Variants in MECOM observed in about 807,000 individuals in gnomAD.
MECOM encodes the protein MDS1 and EVI1 complex locus, also known as histone-lysine N-methyltransferase MECOM.
A neutral mutation model predicts 116.3 loss-of-function variants in MECOM; 13 were observed. The ratio of observed to expected loss-of-function variants is 0.11; its 90% CI spans 0.07 to 0.18. MECOM has a LOEUF of 0.18. Among genes scored for constraint, MECOM ranks in the 10% least tolerant of loss-of-function variants. MECOM has a pLI of 1.00. For synonymous variants in MECOM, 528 were observed against 535.2 expected (o/e 0.99, Z 0.19); for missense variants, 1,299 against 1,509.0 (o/e 0.86, Z 2.31).
At chr3:169,647,473 C>A (rs1275056266) in intron 1 of MECOM, among the ~76,000 whole-genome samples, 1 of 152,062 alleles carries the variant, frequency 6.6e-6, no homozygotes, top group Non-Finnish European at 1.5e-5. Context: ...GTGATAGAAC[C>A]AAGCCATCTA....
At chr3:169,145,627 A>G (rs917427845) in intron 2 of MECOM, 14 of 224,902 alleles carry the variant, frequency 6.2e-5, no homozygotes, top group African/African-American at 3.1e-4. Context: ...GTGAAATGCA[A>G]TACTAATTCC....
At chr3:169,403,479 T>C (rs1433855311) in intron 1 of MECOM, among the ~76,000 whole-genome samples, 1 of 152,216 alleles carries the variant, frequency 6.6e-6, no homozygotes, top group East Asian at 1.9e-4. Context: ...CTTCCTTTTT[T>C]TACAAGACGT....
At chr3:169,218,378 T>C (rs997559976) in intron 2 of MECOM, among the ~76,000 whole-genome samples, 2 of 152,222 alleles carry the variant, frequency 1.3e-5, no homozygotes, top group African/African-American at 4.8e-5. Context: ...ATCAGATGTA[T>C]GCACTTGACT....
chr3:169,277,751 A>G (rs1399844097), intron 2 of MECOM, among the ~76,000 whole-genome samples: 6 of 152,180 alleles, frequency 3.9e-5, no homozygotes, highest in Admixed American at 3.9e-4. Context: ...TGTTCTCACA[A>G]TGGCTAATTC....
intron 12 of MECOM, among the ~76,000 whole-genome samples, chr3:169,096,832 C>G (rs926339955): frequency 3.3e-5 from 5 of 152,120 alleles, no homozygotes; most frequent in Admixed American, 2.0e-4. Flanking sequence ...TAAACCAACA[C>G]AAGTACTGAT....
At chr3:169,483,893 G>T (rs900812540) in intron 1 of MECOM, 63 of 1,610,020 alleles carry the variant, frequency 3.9e-5, no homozygotes, top group Non-Finnish European at 5.0e-5. Flanking sequence ...CTCCACCAAG[G>T]TTCCCAGCTT....
intron 1 of MECOM, among the ~76,000 whole-genome samples, chr3:169,423,252 A>G (rs1740062700): frequency 6.6e-6 from 1 of 152,120 alleles, no homozygotes; most frequent in Non-Finnish European, 1.5e-5. Context: ...AAGTTTCTCA[A>G]AGGAAGATTT....
chr3:169,174,979 T>A (rs1216792061), intron 2 of MECOM, among the ~76,000 whole-genome samples: 1 of 152,064 alleles, frequency 6.6e-6, no homozygotes. Context: ...GATTGCCTTT[T>A]TTGTCAATCG....
rs1428968872 is a variant in MECOM, at chr3:169,340,042, C to T, written c.375+41145G>A. 2.6e-5 allele frequency among the ~76,000 whole-genome samples: 4 copies of T among 152,212 alleles called. No homozygotes were observed. The East Asian group carries it at 7.7e-4, about 29-fold the overall frequency. ...TGTATTTGTAGCTGGAACACGTAAA[C>T]ACTGCCAGTGAATTTTTAAATTCTT... On this transcript the variant is annotated intron_variant, in intron 2 of 16. Coordinates refer to ENST00000651503, the MANE Select transcript of MECOM (RefSeq NM_004991.4).
At chr3:169,658,628 C>G (rs1775830033) in intron 1 of MECOM, among the ~76,000 whole-genome samples, 1 of 152,110 alleles carries the variant, frequency 6.6e-6, no homozygotes, top group Non-Finnish European at 1.5e-5. Flanking sequence ...TAGGGGGCCC[C>G]CTGAGTGAGA....
rs756911894 is a variant in MECOM, at chr3:169,112,815, G to A, written c.2549C>T (p.Pro850Leu). ...TGGGTGAAACAAGAATCCTGGAGAA[G>A]GCCTCAAGTATTTCTCTTTTAAAGC... ...LEALKEKYLR[P>L]SPGFLFHPQF... The change falls in exon 9 of 17, where the codon CCT becomes CTT. Residue 850 changes from proline to leucine, a missense_variant. By Grantham distance (98) the Pro-to-Leu change is moderately conservative (BLOSUM62 -3). This residue lies in a region of MECOM where 340 missense variants were observed against 312.6 expected (regional missense o/e 1.09). Coordinates refer to ENST00000651503, the MANE Select transcript of MECOM (RefSeq NM_004991.4). 1.2e-6 allele frequency: 2 copies of A among 1,613,032 alleles called. No individual in the cohort carries two copies. Among genetic ancestry groups the A allele is most frequent in the Non-Finnish European group, 8.5e-7 (1 of 1,179,376 alleles).
chr3:169,296,940 T>C (rs1416511973), intron 2 of MECOM, among the ~76,000 whole-genome samples: 1 of 152,202 alleles, frequency 6.6e-6, no homozygotes, highest in Non-Finnish European at 1.5e-5. Flanking sequence ...GGCTATTACT[T>C]TGCAATTGTT....
At chr3:169,489,375 G>A (rs1349888399) in intron 1 of MECOM, among the ~76,000 whole-genome samples, 4 of 152,114 alleles carry the variant, frequency 2.6e-5, no homozygotes. Context: ...AATAGAACAG[G>A]TTTTGTATGT....
At chr3:169,487,317 C>T (rs1339941544) in intron 1 of MECOM, among the ~76,000 whole-genome samples, 1 of 150,900 alleles carries the variant, frequency 6.6e-6, no homozygotes, top group Non-Finnish European at 1.5e-5. Context: ...AACATGACTC[C>T]TTTGGAAGTT....
chr3:169,416,927 C>A (rs922031714), intron 1 of MECOM, among the ~76,000 whole-genome samples: 3 of 152,084 alleles, frequency 2.0e-5, no homozygotes, highest in Admixed American at 6.6e-5. Flanking sequence ...AAACTGGATG[C>A]CTTCCTTACA....
At chr3:169,295,180 C>T (rs367605351) in intron 2 of MECOM, among the ~76,000 whole-genome samples, 2 of 152,120 alleles carry the variant, frequency 1.3e-5, no homozygotes, top group African/African-American at 2.4e-5. Context: ...CCACTTTCAC[C>T]ATAGGATCTA....
At chr3:169,467,556 T>C (rs1033955709) in intron 1 of MECOM, among the ~76,000 whole-genome samples, 1 of 152,176 alleles carries the variant, frequency 6.6e-6, no homozygotes, top group Non-Finnish European at 1.5e-5. Context: ...TGTTTTTATA[T>C]ACCCTTGAGT....
chr3:169,408,174 A>T (rs564813203), intron 1 of MECOM, among the ~76,000 whole-genome samples: 1 of 152,350 alleles, frequency 6.6e-6, no homozygotes, highest in Middle Eastern at 3.4e-3. Flanking sequence ...CAGAAATAAG[A>T]GGAAAACTTC....
At position 169,198,395 on chromosome 3, in the gene MECOM, A is replaced by C. The variant is rs77246833; in HGVS notation, c.376-54563T>G. ...CAGGTGGAGGAAATCTTCCTTGTTA[A>C]AGTACATTTCTATTTTAATTTCTGA... is the stretch of plus-strand genomic sequence containing the variant. On this transcript the variant is annotated intron_variant, in intron 2 of 16. Coordinates refer to ENST00000651503, the MANE Select transcript of MECOM (RefSeq NM_004991.4). Among the ~76,000 whole-genome samples the C allele has an allele frequency of 5.5e-3, 844 of 152,186 alleles. 12 individuals carry two copies. The highest frequency in any genetic ancestry group is 0.019 in the African/African-American group (808 of 41,548).
Sources: gnomAD v4.1 joint callset for allele counts (sites outside exome capture counted in the v4.1 genomes callset) on GRCh38, gnomAD v4.1.1 for gene constraint, gnomAD v4.1.1 regional missense constraint, MANE v1.5 for transcripts, NCBI Gene and HGNC (gene_info 2026-07-23, HGNC 2026-07-21) for gene names.